The following ZFAND3 variants were observed in gnomAD, a reference collection of about 807,000 sequenced individuals.
The protein encoded by ZFAND3 is zinc finger AN1-type containing 3, also known as AN1-type zinc finger protein 3.
ZFAND3 carries 10 observed loss-of-function variants against 29.6 expected under a neutral mutation model. That is an observed-to-expected ratio of 0.34 (90% CI 0.21 to 0.57). ZFAND3 has a LOEUF of 0.57. Ranked by LOEUF, ZFAND3 falls within the 20% of genes least tolerant of loss-of-function variation. The pLI is 0.86. For synonymous variants in ZFAND3, 128 were observed against 112.6 expected, an observed-to-expected ratio of 1.14 and a Z score of -0.87; for missense variants, 230 against 304.5, an observed-to-expected ratio of 0.76 and a Z score of 1.82.
intron 5 of ZFAND3, among the ~76,000 whole-genome samples, chr6:38,135,557 C>T (rs1765823111): frequency 6.6e-6 from 1 of 152,112 alleles, no homozygotes; most frequent in African/African-American, 2.4e-5. Flanking sequence ...CAAACCTGAC[C>T]AATATGGTGA....
chr6:37,869,600 C>G (rs1025726695), intron 1 of ZFAND3, among the ~76,000 whole-genome samples: 1 of 151,442 alleles, frequency 6.6e-6, no homozygotes, highest in African/African-American at 2.4e-5. Context: ...CCTCCAACTC[C>G]TGGGCTCAGG....
At chr6:38,148,032 T>C (rs138834353) in intron 5 of ZFAND3, among the ~76,000 whole-genome samples, 118 of 152,336 alleles carry the variant, frequency 7.7e-4, no homozygotes, top group African/African-American at 2.6e-3. Flanking sequence ...ATTCTTTGCC[T>C]AGATCAATGT....
chr6:37,839,472 G>A (rs1043365657), intron 1 of ZFAND3, among the ~76,000 whole-genome samples: 3 of 150,892 alleles, frequency 2.0e-5, no homozygotes, highest in African/African-American at 7.3e-5. Flanking sequence ...GTGAGCCACC[G>A]TGCCCGGCCA....
intron 5 of ZFAND3, 137 bp from the exon 6 acceptor site, chr6:38,152,098 C>A: frequency 1.3e-6 from 1 of 783,024 alleles, no homozygotes; most frequent in Non-Finnish European, 1.9e-6. Flanking sequence ...CTCTCTGCTG[C>A]ATCAGGAACC....
intron 1 of ZFAND3, among the ~76,000 whole-genome samples, chr6:37,874,234 G>A (rs1764751062): frequency 6.6e-6 from 1 of 151,946 alleles, no homozygotes; most frequent in Admixed American, 6.5e-5. Flanking sequence ...TTCCCTTTTT[G>A]GCCGGACGTG....
intron 5 of ZFAND3, among the ~76,000 whole-genome samples, chr6:38,123,809 C>T (rs748727728): frequency 2.0e-5 from 3 of 152,020 alleles, no homozygotes; most frequent in Admixed American, 6.6e-5. Flanking sequence ...TTCTTGGTCT[C>T]GCTGGCTTCA....
intron 5 of ZFAND3, among the ~76,000 whole-genome samples, chr6:38,134,724 G>A: frequency 6.6e-6 from 1 of 152,196 alleles, no homozygotes; most frequent in East Asian, 1.9e-4. Flanking sequence ...GTCCTGATAA[G>A]ACCACATGAC....
intron 5 of ZFAND3, among the ~76,000 whole-genome samples, chr6:38,130,002 T>C (rs1765712516): frequency 1.3e-5 from 2 of 152,170 alleles, no homozygotes; most frequent in Admixed American, 6.5e-5. Context: ...CTTTCCGCAA[T>C]GTTTGTAGTT....
At chr6:37,900,146 T>G (rs915314368) in intron 1 of ZFAND3, among the ~76,000 whole-genome samples, 24 of 152,200 alleles carry the variant, frequency 1.6e-4, no homozygotes, top group African/African-American at 5.8e-4. Flanking sequence ...TTTTAACTGT[T>G]TAACTGTGAT....
chr6:38,151,280 C>T (rs1414879166), intron 5 of ZFAND3, among the ~76,000 whole-genome samples: 1 of 152,236 alleles, frequency 6.6e-6, no homozygotes, highest in Non-Finnish European at 1.5e-5. Flanking sequence ...TCTTTCATCA[C>T]TGGTCTTTTT....
intron 2 of ZFAND3, among the ~76,000 whole-genome samples, chr6:37,992,485 A>AT (rs1305085602): frequency 6.6e-6 from 1 of 152,070 alleles, no homozygotes; most frequent in African/African-American, 2.4e-5. Context: ...AGTTACTTGC[A>AT]TTTTTCCACG....
chr6:37,943,389 C>G (rs1204939629), intron 2 of ZFAND3, among the ~76,000 whole-genome samples: 1 of 152,146 alleles, frequency 6.6e-6, no homozygotes, highest in Non-Finnish European at 1.5e-5. Context: ...GCTAAACTGA[C>G]AGTCCAGGAG....
intron 3 of ZFAND3, among the ~76,000 whole-genome samples, chr6:38,078,888 C>T (rs1342934916): frequency 6.6e-6 from 1 of 152,186 alleles, no homozygotes; most frequent in Non-Finnish European, 1.5e-5. Context: ...CTTACGCCAG[C>T]CACACTCTCC....
chr6:37,882,693 G>A (rs750407888), intron 1 of ZFAND3, among the ~76,000 whole-genome samples: 18 of 151,562 alleles, frequency 1.2e-4, no homozygotes, highest in Admixed American at 1.1e-3. Flanking sequence ...GTGGGCCATG[G>A]CCAGACTAGG....
chr6:38,084,011 A>C (rs976640800), intron 4 of ZFAND3, among the ~76,000 whole-genome samples: 1 of 152,140 alleles, frequency 6.6e-6, no homozygotes, highest in Non-Finnish European at 1.5e-5. Flanking sequence ...TTTACAGATG[A>C]AAAAAATGTA....
chr6:37,831,457 A>G (rs908156821), intron 1 of ZFAND3, among the ~76,000 whole-genome samples: 1 of 152,222 alleles, frequency 6.6e-6, no homozygotes, highest in African/African-American at 2.4e-5. Flanking sequence ...TATGCTAGGC[A>G]AGAGATACCT....
chr6:38,076,290 T>A (rs1764552253), intron 3 of ZFAND3, among the ~76,000 whole-genome samples: 1 of 152,166 alleles, frequency 6.6e-6, no homozygotes, highest in Non-Finnish European at 1.5e-5. Flanking sequence ...CTCTACAACA[T>A]AGTATAAATA....
At chr6:38,136,920 G>A (rs1484405500) in intron 5 of ZFAND3, among the ~76,000 whole-genome samples, 1 of 152,198 alleles carries the variant, frequency 6.6e-6, no homozygotes, top group Non-Finnish European at 1.5e-5. Flanking sequence ...ACAAACTAAA[G>A]GGCTAGGTTT....
At chr6:38,085,474 G>A (rs1211248288) in intron 4 of ZFAND3, among the ~76,000 whole-genome samples, 1 of 152,168 alleles carries the variant, frequency 6.6e-6, no homozygotes, top group Non-Finnish European at 1.5e-5. Context: ...CTCTGACAAA[G>A]GGCACACAAT....
Sources: gnomAD v4.1 joint callset for allele counts (sites outside exome capture counted in the v4.1 genomes callset) on GRCh38, gnomAD v4.1.1 for gene constraint, MANE v1.5 for transcripts, NCBI Gene and HGNC (gene_info 2026-07-23, HGNC 2026-07-21) for gene names.